Variants in NUBPL observed in about 807,000 individuals in gnomAD.
NUBPL encodes the protein iron-sulfur cluster transfer protein NUBPL.
A neutral mutation model predicts 45.7 loss-of-function variants in NUBPL; 31 were observed. The ratio of observed to expected loss-of-function variants is 0.68; its 90% CI spans 0.51 to 0.92. The LOEUF is 0.92. Among genes scored for constraint, NUBPL ranks in the 40% least tolerant of loss-of-function variants. NUBPL has a pLI of 0.00. For synonymous variants in NUBPL, 144 were observed against 140.9 expected, an observed-to-expected ratio of 1.02 and a Z score of -0.15; for missense variants, 401 against 398.7, an observed-to-expected ratio of 1.01 and a Z score of -0.05.
At chr14:31,624,832 C>T (rs908744581) in intron 4 of NUBPL, among the ~76,000 whole-genome samples, 17 of 152,044 alleles carry the variant, frequency 1.1e-4, no homozygotes, top group Admixed American at 4.6e-4. Flanking sequence ...CCCAAAGTGC[C>T]GGGATTACAG....
chr14:31,634,620 G>A (rs1421526005), intron 4 of NUBPL, among the ~76,000 whole-genome samples: 2 of 151,918 alleles, frequency 1.3e-5, no homozygotes, highest in Non-Finnish European at 2.9e-5. Context: ...GGGATGGCTG[G>A]GTCAAATGGT....
chr14:31,643,135 A>G (rs2035752285), intron 4 of NUBPL, among the ~76,000 whole-genome samples: 1 of 152,036 alleles, frequency 6.6e-6, no homozygotes, highest in Admixed American at 6.5e-5. Context: ...TCCAATTTGT[A>G]TATGCTTTAT....
chr14:31,620,911 C>G (rs2035042359), intron 4 of NUBPL, among the ~76,000 whole-genome samples: 1 of 152,182 alleles, frequency 6.6e-6, no homozygotes, highest in Non-Finnish European at 1.5e-5. Context: ...GGCTCTGTCC[C>G]AGGGAGATGG....
chr14:31,856,676 G>A (rs1442256508), intron 10 of NUBPL, among the ~76,000 whole-genome samples: 2 of 152,088 alleles, frequency 1.3e-5, no homozygotes, highest in Non-Finnish European at 2.9e-5. Flanking sequence ...AAAACAAAGG[G>A]GCTACAGGCC....
At chr14:31,733,182 G>T (rs888057114) in intron 6 of NUBPL, among the ~76,000 whole-genome samples, 1 of 152,124 alleles carries the variant, frequency 6.6e-6, no homozygotes, top group African/African-American at 2.4e-5. Context: ...TATATATATA[G>T]ATAGGTAGGT....
intron 6 of NUBPL, among the ~76,000 whole-genome samples, chr14:31,716,555 G>T (rs2037692956): frequency 6.6e-6 from 1 of 152,154 alleles, no homozygotes; most frequent in Admixed American, 6.5e-5. Flanking sequence ...TGCCTATGTG[G>T]CCCATTATTG....
chr14:31,737,408 G>A (rs1193661155), intron 6 of NUBPL, among the ~76,000 whole-genome samples: 3 of 152,172 alleles, frequency 2.0e-5, no homozygotes, highest in Non-Finnish European at 4.4e-5. Context: ...TATAAATCAA[G>A]TGACCATATG....
intron 6 of NUBPL, among the ~76,000 whole-genome samples, chr14:31,688,779 A>C (rs2037025988): frequency 6.6e-6 from 1 of 150,918 alleles, no homozygotes; most frequent in Non-Finnish European, 1.5e-5. Context: ...TAAGCCTAGT[A>C]CCCAATAATT....
At chr14:31,839,286 G>A (rs61996370) in intron 8 of NUBPL, among the ~76,000 whole-genome samples, 1 of 152,224 alleles carries the variant, frequency 6.6e-6, no homozygotes, top group East Asian at 1.9e-4. Flanking sequence ...CCCAGAAATA[G>A]AACAATAGAG....
chr14:31,817,791 A>G (rs901662028), intron 7 of NUBPL, among the ~76,000 whole-genome samples: 1 of 152,224 alleles, frequency 6.6e-6, no homozygotes, highest in Admixed American at 6.5e-5. Context: ...TAATGACAGC[A>G]TCAAATTCAC....
chr14:31,767,527 T>A (rs996514608), intron 6 of NUBPL, among the ~76,000 whole-genome samples: 11 of 152,154 alleles, frequency 7.2e-5, no homozygotes, highest in African/African-American at 2.7e-4. Context: ...TCTGGCTGTT[T>A]TAACCAAAGG....
intron 7 of NUBPL, among the ~76,000 whole-genome samples, chr14:31,816,966 C>T (rs1489381818): frequency 1.3e-5 from 2 of 151,658 alleles, no homozygotes; most frequent in African/African-American, 4.8e-5. Flanking sequence ...ACTAGAATAA[C>T]CAGTTTAGAG....
chr14:31,830,861 G>A (rs1051539560), intron 8 of NUBPL, among the ~76,000 whole-genome samples: 10 of 152,054 alleles, frequency 6.6e-5, no homozygotes, highest in African/African-American at 2.4e-4. Flanking sequence ...AGCCAAACTG[G>A]TCTTCTTCCA....
At chr14:31,838,323 T>C (rs11627083) in intron 8 of NUBPL, among the ~76,000 whole-genome samples, 43,931 of 145,330 alleles carry the variant, frequency 0.3, 6,957 homozygotes, top group East Asian at 0.46. Context: ...ACAAAAACAT[T>C]CACAGAAGCA....
chr14:31,847,273 A>G (rs1026976777), intron 9 of NUBPL, among the ~76,000 whole-genome samples: 2 of 152,238 alleles, frequency 1.3e-5, no homozygotes, highest in Admixed American at 1.3e-4. Flanking sequence ...TATGTTGTAA[A>G]AACCTCTAAA....
intron 6 of NUBPL, among the ~76,000 whole-genome samples, chr14:31,732,196 A>AAAAAAAAAAAAAAAAT (rs1214564023): frequency 6.7e-6 from 1 of 149,958 alleles, no homozygotes; most frequent in African/African-American, 2.5e-5. Flanking sequence ...TCTGTCTCAA[A>AAAAAAAAAAAAAAAAT]AAAAAAATGA....
chr14:31,702,709 G>A (rs768891765), intron 6 of NUBPL, among the ~76,000 whole-genome samples: 40 of 152,160 alleles, frequency 2.6e-4, no homozygotes, highest in Non-Finnish European at 5.4e-4. Context: ...GAGGCTACTA[G>A]GATGGTTTTT....
intron 6 of NUBPL, among the ~76,000 whole-genome samples, chr14:31,691,605 A>G (rs2139863849): frequency 6.6e-6 from 1 of 152,312 alleles, no homozygotes; most frequent in South Asian, 2.1e-4. Flanking sequence ...AGGCAGACAT[A>G]ATGATGCAGT....
intron 6 of NUBPL, 21 bp downstream of exon 6, chr14:31,673,595 A>T: frequency 6.3e-7 from 1 of 1,576,640 alleles, no homozygotes; most frequent in Non-Finnish European, 8.7e-7. Flanking sequence ...TGCTTTAAAT[A>T]TCATTTTATC....
Sources: allele counts gnomAD v4.1 joint callset (sites outside exome capture counted in the v4.1 genomes callset), GRCh38; gene constraint gnomAD v4.1.1; transcripts MANE v1.5; gene names NCBI Gene and HGNC (gene_info 2026-07-23, HGNC 2026-07-21).